The following UBAP2L variants were observed in gnomAD, a reference collection of about 807,000 sequenced individuals.
UBAP2L encodes the protein ubiquitin-associated protein 2-like.
A neutral mutation model predicts 130.6 loss-of-function variants in UBAP2L; 12 were observed. The ratio of observed to expected loss-of-function variants is 0.09; its 90% CI spans 0.06 to 0.15. UBAP2L has a LOEUF of 0.15. Among genes scored for constraint, UBAP2L ranks in the 10% least tolerant of loss-of-function variants. The pLI, the probability that UBAP2L is intolerant of heterozygous loss-of-function variation, is 1.00. For synonymous variants in UBAP2L, 503 were observed against 524.7 expected, an observed-to-expected ratio of 0.96 and a Z score of 0.57; for missense variants, 965 against 1,332.5, an observed-to-expected ratio of 0.72 and a Z score of 4.29.
intron 12 of UBAP2L, among the ~76,000 whole-genome samples, chr1:154,249,800 C>T (rs529326516): frequency 1.7e-4 from 25 of 146,748 alleles, no homozygotes; most frequent in South Asian, 1.3e-3. Context: ...TAGCTGAGTG[C>T]GGTGGTGTGC....
At position 154,253,944 on chromosome 1, in the gene UBAP2L, G is replaced by A; in HGVS notation, c.1709G>A (p.Gly570Asp). ...TCATCTAACCAGAGTCAGGAGTCTG[G>A]TTATCAGAGCGGCCCAATTCAGTCG... Reference protein sequence around the residue: ...TISSNQSQESGYQSGPIQSTT... With the variant: ...TISSNQSQESDYQSGPIQSTT... The change falls in exon 15 of 27, where the codon GGT (glycine) becomes GAT (aspartate). Residue 570 changes from glycine to aspartate, a missense_variant. Around this residue, in one of 9 missense-constraint regions of UBAP2L, gnomAD observed 393 missense variants for 408.1 expected, o/e 0.96. Coordinates refer to ENST00000428931, the MANE Select transcript of UBAP2L (RefSeq NM_014847.4). 6.2e-7 allele frequency: 1 copy of A among 1,614,024 alleles called. No homozygotes were observed. The highest frequency in any genetic ancestry group is 8.5e-7 in the Non-Finnish European group (1 of 1,180,018).
At chr1:154,239,592 T>C (rs927169474) in intron 8 of UBAP2L, among the ~76,000 whole-genome samples, 1 of 152,202 alleles carries the variant, frequency 6.6e-6, no homozygotes, top group Non-Finnish European at 1.5e-5. Flanking sequence ...TCCTCAGCTC[T>C]CTCTCTTCCT....
At chr1:154,263,999 G>A (rs935012096) in intron 24 of UBAP2L, among the ~76,000 whole-genome samples, 1 of 152,144 alleles carries the variant, frequency 6.6e-6, no homozygotes, top group African/African-American at 2.4e-5. Flanking sequence ...CTGGAACATT[G>A]TTCTTAGTCC....
chr1:154,265,789 C>T (rs199534028), intron 24 of UBAP2L, among the ~76,000 whole-genome samples: 20 of 151,706 alleles, frequency 1.3e-4, no homozygotes, highest in East Asian at 1.2e-3. Context: ...CTGAAAATGA[C>T]GTGGTTTTTG....
rs1000173291 is a variant in UBAP2L at position 154,270,775 on chromosome 1, T to TG, written c.*480_*481insG. 1.2e-5 allele frequency: 15 copies of TG among 1,225,810 alleles called. No homozygotes were observed. The African/African-American group carries it at 1.2e-4, about 10-fold the overall frequency. 75.9% of individuals were successfully genotyped at this position (1,225,810 alleles called of 1,614,324 possible). On this transcript the variant is annotated 3_prime_UTR_variant, in exon 27 of 27. Transcript: ENST00000428931. ...GTTGAAGTGGTTTTTTTTTTGTTTT[T>TG]TTTTTTTTTTTGTACTGTGTCCTCA...
At chr1:154,262,693 G>A (rs1297553649) in intron 24 of UBAP2L, among the ~76,000 whole-genome samples, 1 of 152,186 alleles carries the variant, frequency 6.6e-6, no homozygotes, top group African/African-American at 2.4e-5. Flanking sequence ...GCCAAGTGGA[G>A]CTTTGAACTG....
At chr1:154,224,594 A>G (rs915708539) in intron 1 of UBAP2L, among the ~76,000 whole-genome samples, 2 of 152,234 alleles carry the variant, frequency 1.3e-5, no homozygotes, top group Non-Finnish European at 2.9e-5. Flanking sequence ...AATGGAGGTC[A>G]CATGCAGCTT....
chr1:154,220,452 C>T (rs1320281696), upstream of UBAP2L: 4 of 1,611,620 alleles, frequency 2.5e-6, no homozygotes, highest in South Asian at 1.1e-5. Context: ...ACCCCGCTGT[C>T]CTGGCTGGTC....
intron 22 of UBAP2L, 80 bp downstream of exon 22, chr1:154,260,109 A>T (rs895951446): frequency 2.8e-6 from 4 of 1,443,212 alleles, no homozygotes; most frequent in Non-Finnish European, 3.9e-6. Context: ...GGTAGCAAGA[A>T]GGGATGTGAT....
intron 9 of UBAP2L, among the ~76,000 whole-genome samples, chr1:154,242,427 A>G (rs1353988605): frequency 6.6e-6 from 1 of 152,234 alleles, no homozygotes; most frequent in Non-Finnish European, 1.5e-5. Context: ...TGTATAATCA[A>G]TGAACTAGAC....
At chr1:154,233,071 T>C (rs1670382382) in intron 4 of UBAP2L, among the ~76,000 whole-genome samples, 1 of 151,924 alleles carries the variant, frequency 6.6e-6, no homozygotes, top group African/African-American at 2.4e-5. Context: ...TGGAGTGCAA[T>C]GGCAGGATCT....
downstream of UBAP2L, chr1:154,271,092 C>T: frequency 2.6e-6 from 2 of 755,190 alleles, no homozygotes; most frequent in East Asian, 2.8e-5. Context: ...CTGGAAAGAA[C>T]CACCACAAAT....
chr1:154,225,333 T>C lies in UBAP2L; in HGVS notation c.90+120T>C, dbSNP rs576317125. On this transcript the variant is annotated intron_variant, in intron 2 of 26. Transcript: ENST00000428931. ...GTTTAGGTTCCTTATTTTTGTTTTC[T>C]AGTCCTTGGCTCTTTTTTTACTTAG... is the stretch of plus-strand genomic sequence containing the variant. 16 of 1,094,280 alleles carry C rather than the reference T, an allele frequency of 1.5e-5. No homozygotes were observed. The South Asian group carries it at 2.1e-4, about 14-fold the overall frequency. The allele number at this position is 1,094,280 out of a possible 1,614,324, so 67.8% of individuals were successfully genotyped here.
At chr1:154,240,707 C>T (rs1448118707) in intron 8 of UBAP2L, among the ~76,000 whole-genome samples, 1 of 152,072 alleles carries the variant, frequency 6.6e-6, no homozygotes, top group Non-Finnish European at 1.5e-5. Flanking sequence ...ACCCACCCTT[C>T]TTCACTGCTC....
chr1:154,220,418 C>T (rs370072625), upstream of UBAP2L: 3 of 1,614,112 alleles, frequency 1.9e-6, no homozygotes, highest in African/African-American at 4.0e-5. Context: ...GGCCTCCCTA[C>T]CTCGCGCAGA....
Position 154,234,661 on chromosome 1 carries a change from A to G in UBAP2L, c.350A>G (p.Asn117Ser), listed in dbSNP as rs374548186. The change falls in exon 5 of 27, where the codon AAT becomes AGT. Residue 117 changes from asparagine (N) to serine (S), a missense_variant. By Grantham distance (46) the Asn-to-Ser change is conservative (BLOSUM62 1). This residue lies in a region of UBAP2L where 109 missense variants were observed against 146.6 expected (regional missense o/e 0.74). Transcript: ENST00000428931. ...GQKDGGQTESNEEGKENRDRD... is the reference protein window; with the variant it reads ...GQKDGGQTESSEEGKENRDRD... ...AAGGATGGTGGCCAGACGGAATCCA[A>G]TGAGGAAGGCAAAGAAAATCGAGAC... is the stretch of plus-strand genomic sequence containing the variant. 9.9e-6 allele frequency: 16 copies of G among 1,614,028 alleles called. No individual in the cohort carries two copies. Among genetic ancestry groups the G allele is most frequent in the African/African-American group, 1.3e-5 (1 of 74,898 alleles).
At chr1:154,232,861 TAATTTTTA>T (rs948046421) in intron 4 of UBAP2L, among the ~76,000 whole-genome samples, 7 of 152,098 alleles carry the variant, frequency 4.6e-5, no homozygotes, top group African/African-American at 1.7e-4. Context: ...CATACTTGGC[TAATTTTTA>T]AATTTTTAGT....
chr1:154,238,738 T>A (rs1013944024), intron 8 of UBAP2L, among the ~76,000 whole-genome samples: 120 of 151,508 alleles, frequency 7.9e-4, no homozygotes, highest in Non-Finnish European at 4.1e-4. Context: ...ATTTTTTTTT[T>A]CTTTTCTTTT....
intron 8 of UBAP2L, among the ~76,000 whole-genome samples, chr1:154,240,825 G>A (rs557954791): frequency 6.6e-6 from 1 of 151,278 alleles, no homozygotes; most frequent in South Asian, 2.1e-4. Context: ...AATAGGTGTA[G>A]TTTGCATGTT....
Sources: gnomAD v4.1 joint callset for allele counts (sites outside exome capture counted in the v4.1 genomes callset) on GRCh38, gnomAD v4.1.1 for gene constraint, gnomAD v4.1.1 regional missense constraint, MANE v1.5 for transcripts, NCBI Gene and HGNC (gene_info 2026-07-23, HGNC 2026-07-21) for gene names.